The following SREK1IP1 variants were observed in gnomAD, a reference collection of about 807,000 sequenced individuals.
SREK1IP1 encodes the protein protein SREK1IP1.
Under a neutral mutation model 22.8 loss-of-function variants are expected in SREK1IP1, and 12 were observed. That is an observed-to-expected ratio of 0.53 (90% CI 0.34 to 0.85). The LOEUF is 0.85. Among genes scored for constraint, SREK1IP1 ranks in the 40% least tolerant of loss-of-function variants. The probability of loss-of-function intolerance (pLI) is 0.02; values close to 1 mark genes in which losing one functional copy is unlikely to be tolerated. For missense variants in SREK1IP1, 147 were observed against 171.8 expected, an observed-to-expected ratio of 0.86 and a Z score of 0.81; for synonymous variants, 53 against 52.7, an observed-to-expected ratio of 1.01 and a Z score of -0.02.
chr5:64,729,405 TAAG>T (rs1199778507), intron 3 of SREK1IP1, among the ~76,000 whole-genome samples: 8 of 152,204 alleles, frequency 5.3e-5, no homozygotes, highest in Non-Finnish European at 1.0e-4. Flanking sequence ...TTCTAGAAAC[TAAG>T]AAGAGGTTGT....
At chr5:64,733,955 G>A (rs1327609923) in intron 3 of SREK1IP1, among the ~76,000 whole-genome samples, 2 of 152,042 alleles carry the variant, frequency 1.3e-5, no homozygotes, top group Non-Finnish European at 2.9e-5. Context: ...GGTTTATAGG[G>A]CTTAGGAACG....
intron 2 of SREK1IP1, among the ~76,000 whole-genome samples, chr5:64,748,501 C>T (rs1354282426): frequency 6.6e-6 from 1 of 152,066 alleles, no homozygotes; most frequent in Non-Finnish European, 1.5e-5. Flanking sequence ...TATTTTAACA[C>T]AATTTTTTAA....
At chr5:64,758,105 T>C (rs1742880413) in intron 1 of SREK1IP1, among the ~76,000 whole-genome samples, 1 of 152,012 alleles carries the variant, frequency 6.6e-6, no homozygotes, top group Admixed American at 6.6e-5. Context: ...CTCGATCTCC[T>C]GACCTCGTAA....
intron 2 of SREK1IP1, among the ~76,000 whole-genome samples, chr5:64,746,046 T>C (rs1305833922): frequency 6.6e-6 from 1 of 152,168 alleles, no homozygotes; most frequent in Non-Finnish European, 1.5e-5. Flanking sequence ...TGGAATAGAA[T>C]TGAAAGTCCA....
chr5:64,752,908 T>G (rs1348376643), intron 2 of SREK1IP1, among the ~76,000 whole-genome samples: 1 of 152,186 alleles, frequency 6.6e-6, no homozygotes, highest in Admixed American at 6.5e-5. Flanking sequence ...GACTAAATTT[T>G]TCCACAGGAG....
intron 3 of SREK1IP1, among the ~76,000 whole-genome samples, chr5:64,737,386 A>G (rs1396565790): frequency 6.6e-6 from 1 of 151,978 alleles, no homozygotes; most frequent in East Asian, 1.9e-4. Flanking sequence ...AACTTGAGAT[A>G]AATGAAATTA....
chr5:64,759,178 C>T (rs148703010), intron 1 of SREK1IP1, among the ~76,000 whole-genome samples: 283 of 152,252 alleles, frequency 1.9e-3, no homozygotes, highest in Admixed American at 4.7e-3. Context: ...TATTTTCTGA[C>T]CCTTATTATG....
intron 4 of SREK1IP1, among the ~76,000 whole-genome samples, 181 bp from the exon 5 acceptor site, chr5:64,724,754 G>A (rs1272124193): frequency 3.9e-5 from 6 of 152,004 alleles, no homozygotes; most frequent in Non-Finnish European, 8.8e-5. Flanking sequence ...TTTGCTGCTT[G>A]GTCACAGAAA....
chr5:64,744,166 C>T (rs1187748559), intron 2 of SREK1IP1, among the ~76,000 whole-genome samples: 1 of 152,050 alleles, frequency 6.6e-6, no homozygotes, highest in Non-Finnish European at 1.5e-5. Flanking sequence ...TGTACAACTC[C>T]AGTAAACACA....
chr5:64,758,301 TG>T (rs1178245697), intron 1 of SREK1IP1, among the ~76,000 whole-genome samples: 8 of 152,144 alleles, frequency 5.3e-5, no homozygotes, highest in Non-Finnish European at 1.5e-5. Flanking sequence ...CCTGAGTAGG[TG>T]GGATTGCAGG....
At chr5:64,736,749 C>T (rs749988225) in intron 3 of SREK1IP1, among the ~76,000 whole-genome samples, 5 of 152,056 alleles carry the variant, frequency 3.3e-5, no homozygotes, top group Non-Finnish European at 5.9e-5. Context: ...AGGTGTGAGC[C>T]ATCATGCCAG....
intron 1 of SREK1IP1, among the ~76,000 whole-genome samples, chr5:64,762,964 A>T (rs191158715): frequency 6.6e-6 from 1 of 152,184 alleles, no homozygotes; most frequent in African/African-American, 2.4e-5. Flanking sequence ...AGGCATGAGA[A>T]TCACTTGAAC....
rs936603018 is a variant in SREK1IP1, at chr5:64,722,957, T to C, written c.*1427A>G. ...TAAGTATACTTAGCTGATTTCACTA[T>C]CATGAATTCACCTGCAGCCGTATCT... On this transcript the variant is annotated 3_prime_UTR_variant, in exon 5 of 5. Transcript: ENST00000513458. 1.3e-5 allele frequency: 2 copies of C among 152,232 alleles called. No individual in the cohort carries two copies. The highest frequency in any genetic ancestry group is 4.8e-5 in the African/African-American group (2 of 41,456). The allele number at this position is 152,232 out of a possible 1,614,324, so 9.4% of individuals were successfully genotyped here.
chr5:64,754,463 A>C, intron 1 of SREK1IP1, 101 bp from the exon 2 acceptor site: 3 of 1,244,532 alleles, frequency 2.4e-6, no homozygotes, highest in Non-Finnish European at 3.4e-6. Context: ...TTGTTATAGA[A>C]TTTCTTTTTT....
chr5:64,751,281 T>C (rs899291684), intron 2 of SREK1IP1, among the ~76,000 whole-genome samples: 1 of 152,254 alleles, frequency 6.6e-6, no homozygotes. Context: ...TATATTATTT[T>C]ACTCCACCAT....
chr5:64,731,335 G>C (rs1439971658), intron 3 of SREK1IP1, among the ~76,000 whole-genome samples: 2 of 151,662 alleles, frequency 1.3e-5, no homozygotes, highest in African/African-American at 4.9e-5. Context: ...TCAACATAGT[G>C]ACATCATGTC....
At chr5:64,762,263 CTAAG>C (rs1276269198) in intron 1 of SREK1IP1, among the ~76,000 whole-genome samples, 2 of 152,080 alleles carry the variant, frequency 1.3e-5, no homozygotes, top group African/African-American at 2.4e-5. Context: ...TTTTTTAGTA[CTAAG>C]TAATTAGAAA....
chr5:64,740,659 C>T (rs894324510), intron 3 of SREK1IP1, among the ~76,000 whole-genome samples: 4 of 152,132 alleles, frequency 2.6e-5, no homozygotes, highest in African/African-American at 4.8e-5. Flanking sequence ...CATCATTTGA[C>T]AATCCAACAT....
In SREK1IP1 at chr5:64,719,922, C is replaced by T. The variant is rs1742127871; in HGVS notation, c.*4462G>A. ...CACCCAATGTCCAGGAAGTTTTGGT[C>T]TCAGCACTAGGATCAGCTGGAGTCC... On this transcript the variant is annotated 3_prime_UTR_variant, in exon 5 of 5. Transcript: ENST00000513458. The T allele has an allele frequency of 6.6e-6, 1 of 152,192 alleles. No individual in the cohort carries two copies. Among genetic ancestry groups the T allele is most frequent in the South Asian group, 2.1e-4 (1 of 4,828 alleles). The allele number at this position is 152,192 out of a possible 1,614,324, so 9.4% of individuals were successfully genotyped here. A position where few individuals can be genotyped will look rare whatever the true frequency, so the allele number is the denominator to read the frequency against.
Sources: gnomAD v4.1 joint callset for allele counts (sites outside exome capture counted in the v4.1 genomes callset) on GRCh38, gnomAD v4.1.1 for gene constraint, MANE v1.5 for transcripts, NCBI Gene and HGNC (gene_info 2026-07-23, HGNC 2026-07-21) for gene names.